PARP4: variants seen among roughly 807,000 people sequenced by gnomAD.
PARP4 encodes the protein poly(ADP-ribose) polymerase family member 4.
PARP4 carries 120 observed loss-of-function variants against 187.7 expected under a neutral mutation model. The ratio of observed to expected loss-of-function variants is 0.64; its 90% CI spans 0.55 to 0.74. The LOEUF (loss-of-function observed/expected upper bound fraction) is 0.74, where lower values mean the gene tolerates loss of function less well. Ranked by LOEUF, PARP4 falls within the 30% of genes least tolerant of loss-of-function variation. The pLI, the probability that PARP4 is intolerant of heterozygous loss-of-function variation, is 0.00. For synonymous variants in PARP4, 654 were observed against 740.9 expected, an observed-to-expected ratio of 0.88 and a Z score of 1.90; for missense variants, 1,836 against 2,070.5, an observed-to-expected ratio of 0.89 and a Z score of 2.20.
intron 1 of PARP4, among the ~76,000 whole-genome samples, chr13:24,507,703 CTTG>C (rs527253449): frequency 4.9e-4 from 75 of 152,334 alleles, no homozygotes; most frequent in African/African-American, 1.7e-3. Flanking sequence ...CTTCAGGAAA[CTTG>C]TTGTTTTTAA....
At chr13:24,460,195 C>A in intron 17 of PARP4, 59 bp from the exon 18 acceptor site, 1 of 1,418,354 alleles carries the variant, frequency 7.1e-7, no homozygotes, top group South Asian at 1.3e-5. Flanking sequence ...TATATGCCAG[C>A]TAACTCCACG....
Position 24,459,053 on chromosome 13 carries a change from C to T in PARP4, c.2415G>A (p.Leu805=). 2 of 1,601,398 alleles carry T rather than the reference C, an allele frequency of 1.2e-6. No individual in the cohort carries two copies. The highest frequency in any genetic ancestry group is 1.1e-5 in the South Asian group (1 of 90,476). The change falls in exon 20 of 34, where the codon CTG becomes CTA. Residue 805 remains leucine, a synonymous_variant. Transcript: ENST00000381989. ...IEFIFSDTHE[L]KQKRTDCKAV... ...TCAAAGATGCACTAACCTTTTGTTT[C>T]AGTTCATGTGTATCACTGAAAATGA... is the stretch of plus-strand genomic sequence containing the variant.
chr13:24,470,065 A>G (rs779395843), intron 15 of PARP4, 40 bp from the exon 16 acceptor site: 38 of 1,564,634 alleles, frequency 2.4e-5, no homozygotes, highest in Non-Finnish European at 3.3e-5. Flanking sequence ...ATGAGACCAC[A>G]TGGACTACAT....
At chr13:24,430,635 G>C (rs1972903) in intron 32 of PARP4, among the ~76,000 whole-genome samples, 1 of 151,632 alleles carries the variant, frequency 6.6e-6, no homozygotes, top group African/African-American at 2.4e-5. Flanking sequence ...GCCTGGGCAA[G>C]GGAGCCAGAT....
chr13:24,425,887 G>T (rs962122072), intron 33 of PARP4, among the ~76,000 whole-genome samples: 6 of 151,890 alleles, frequency 4.0e-5, no homozygotes, highest in African/African-American at 1.2e-4. Context: ...GGTGGGGTGG[G>T]GTATTCACGT....
In PARP4 at chr13:24,493,648, C is replaced by T; in HGVS notation, c.827G>A (p.Gly276Asp). The T allele has an allele frequency of 1.9e-6, 3 of 1,613,974 alleles. No individual in the cohort carries two copies. The highest frequency in any genetic ancestry group is 1.1e-5 in the South Asian group (1 of 91,070). The change falls in exon 8 of 34, where the codon GGC (glycine) becomes GAC (aspartate). Residue 276 changes from glycine (G) to aspartate (D), a missense_variant. Around this residue, in one of 8 missense-constraint regions of PARP4, gnomAD observed 1,147 missense variants for 1,214.2 expected, o/e 0.94. Coordinates refer to ENST00000381989, the MANE Select transcript of PARP4 (RefSeq NM_006437.4). Reference sequence around the variant, plus strand: ...CTTGAGAAGCATGTGTTCCAGGTGGCCCAGGGCCTCTGCCCAAATCATCTC... The same window carrying T: ...CTTGAGAAGCATGTGTTCCAGGTGGTCCAGGGCCTCTGCCCAAATCATCTC... ...LVEMIWAEAL[G>D]HLEHMLLKPV...
At chr13:24,427,094 T>C (rs527272380) in intron 32 of PARP4, among the ~76,000 whole-genome samples, 11 of 152,142 alleles carry the variant, frequency 7.2e-5, no homozygotes, top group African/African-American at 2.7e-4. Flanking sequence ...GCCCCTCACT[T>C]GCCATCTTCA....
chr13:24,472,888 TGAG>T (rs1470484900), intron 15 of PARP4, among the ~76,000 whole-genome samples: 7 of 134,612 alleles, frequency 5.2e-5, no homozygotes, highest in Non-Finnish European at 9.4e-5. Context: ...TTCAACACCC[TGAG>T]TTTTTTTTTT....
At chr13:24,466,546 G>A (rs993497662) in intron 17 of PARP4, among the ~76,000 whole-genome samples, 2 of 152,122 alleles carry the variant, frequency 1.3e-5, no homozygotes, top group African/African-American at 2.4e-5. Context: ...TGTAATCTCA[G>A]CACTTTGGGA....
chr13:24,461,952 C>T (rs963822410), intron 17 of PARP4, among the ~76,000 whole-genome samples: 1 of 152,184 alleles, frequency 6.6e-6, no homozygotes, highest in Admixed American at 6.5e-5. Flanking sequence ...TGCACTAGTA[C>T]AAAGCAGGGG....
At chr13:24,451,344 T>G (rs995423767) in intron 24 of PARP4, among the ~76,000 whole-genome samples, 31 of 152,182 alleles carry the variant, frequency 2.0e-4, no homozygotes, top group Non-Finnish European at 7.4e-5. Context: ...CATTGGCCTG[T>G]GATGCTGGGC....
chr13:24,475,764 A>G (rs569990795), intron 14 of PARP4, among the ~76,000 whole-genome samples, 168 bp from the exon 15 acceptor site: 2 of 150,092 alleles, frequency 1.3e-5, no homozygotes, highest in Non-Finnish European at 3.0e-5. Context: ...GTGAACCCAC[A>G]TGAGAAAAAT....
chr13:24,444,803 G>A (rs1263273464), intron 27 of PARP4, among the ~76,000 whole-genome samples: 1 of 152,190 alleles, frequency 6.6e-6, no homozygotes, highest in Non-Finnish European at 1.5e-5. Flanking sequence ...ATCTGCAGAG[G>A]AATCGTATGT....
At chr13:24,474,508 C>T (rs528827893) in intron 15 of PARP4, among the ~76,000 whole-genome samples, 4 of 151,052 alleles carry the variant, frequency 2.6e-5, no homozygotes, top group East Asian at 2.0e-4. Context: ...CTACAAAGCC[C>T]GGCCCCCTTG....
chr13:24,445,953 G>A (rs559758187), intron 27 of PARP4, among the ~76,000 whole-genome samples: 1 of 152,328 alleles, frequency 6.6e-6, no homozygotes, highest in South Asian at 2.1e-4. Flanking sequence ...ACTGGTGTCA[G>A]AGAATTGGTT....
chr13:24,454,348 G>A (rs1871705296), intron 22 of PARP4, among the ~76,000 whole-genome samples: 1 of 152,168 alleles, frequency 6.6e-6, no homozygotes, highest in South Asian at 2.1e-4. Flanking sequence ...TGTACCTCTG[G>A]GGAAAAGGGG....
chr13:24,503,608 G>A, intron 2 of PARP4, 37 bp downstream of exon 2: 1 of 1,609,596 alleles, frequency 6.2e-7, no homozygotes, highest in Non-Finnish European at 8.5e-7. Context: ...AATGCGCAAT[G>A]TTTTATCACA....
At chr13:24,468,300 G>T (rs1288251154) in intron 17 of PARP4, among the ~76,000 whole-genome samples, 2 of 152,108 alleles carry the variant, frequency 1.3e-5, no homozygotes, top group African/African-American at 4.8e-5. Context: ...AAGCACAGGA[G>T]CTGGCCCAAG....
chr13:24,497,370 A>G (rs1252094479), intron 6 of PARP4, among the ~76,000 whole-genome samples: 1 of 152,122 alleles, frequency 6.6e-6, no homozygotes, highest in African/African-American at 2.4e-5. Flanking sequence ...AGCTATTTTT[A>G]TCTTTGAGTG....
Sources: gnomAD v4.1 joint callset for allele counts (sites outside exome capture counted in the v4.1 genomes callset) on GRCh38, gnomAD v4.1.1 for gene constraint, gnomAD v4.1.1 regional missense constraint, MANE v1.5 for transcripts, NCBI Gene and HGNC (gene_info 2026-07-23, HGNC 2026-07-21) for gene names.